TMEM131: variants seen among roughly 807,000 people sequenced by gnomAD.
TMEM131 encodes the protein 2610524E03Rik.
Under a neutral mutation model 211.6 loss-of-function variants are expected in TMEM131, and 66 were observed. The ratio of observed to expected loss-of-function variants is 0.31; its 90% confidence interval spans 0.26 to 0.38. TMEM131 has a LOEUF of 0.38. TMEM131 is among the 10% of genes least tolerant of loss of function. The pLI, the probability that TMEM131 is intolerant of heterozygous loss-of-function variation, is 1.00. For synonymous variants in TMEM131, 844 were observed against 841.3 expected, an observed-to-expected ratio of 1.00 and a Z score of -0.06; for missense variants, 2,036 against 2,299.3, an observed-to-expected ratio of 0.89 and a Z score of 2.34.
chr2:97,969,957 A>G (rs968133664), intron 1 of TMEM131, among the ~76,000 whole-genome samples: 16 of 152,250 alleles, frequency 1.1e-4, no homozygotes, highest in Middle Eastern at 3.4e-3. Flanking sequence ...AAGTTAGTCT[A>G]CCTCTGTGAA....
At chr2:97,906,900 G>T (rs554134021) in intron 3 of TMEM131, among the ~76,000 whole-genome samples, 1 of 152,280 alleles carries the variant, frequency 6.6e-6, no homozygotes, top group African/African-American at 2.4e-5. Flanking sequence ...GATAGAAGTA[G>T]ATAATAGATA....
chr2:97,881,098 T>G (rs1573502347), intron 4 of TMEM131, among the ~76,000 whole-genome samples: 1 of 152,332 alleles, frequency 6.6e-6, no homozygotes, highest in East Asian at 1.9e-4. Flanking sequence ...TTCCACTCTG[T>G]TAGACCAGTT....
chr2:97,819,580 T>C (rs1359988835), intron 11 of TMEM131, among the ~76,000 whole-genome samples: 1 of 152,208 alleles, frequency 6.6e-6, no homozygotes, highest in Non-Finnish European at 1.5e-5. Flanking sequence ...TGACATCCTG[T>C]TGCACAAACA....
chr2:97,963,646 C>T (rs1678916991), intron 1 of TMEM131, among the ~76,000 whole-genome samples: 1 of 152,148 alleles, frequency 6.6e-6, no homozygotes, highest in African/African-American at 2.4e-5. Context: ...ACCAGGGAGA[C>T]GGAGGTTGCA....
rs143999430 is a variant in TMEM131, at chr2:97,995,059, G to C, written c.187+417C>G. On this transcript the variant is annotated intron_variant, in intron 1 of 40. Coordinates refer to ENST00000186436, the MANE Select transcript of TMEM131 (RefSeq NM_015348.2). Reference sequence around the variant, plus strand: ...GAAGAAATGTCTGAACAAATTCAAAGTGAAATTTTTTAAGCTGTGTCTCGC... The same window carrying C: ...GAAGAAATGTCTGAACAAATTCAAACTGAAATTTTTTAAGCTGTGTCTCGC... 3.8e-3 allele frequency among the ~76,000 whole-genome samples: 579 copies of C among 152,344 alleles called. 1 individual carries two copies. Among genetic ancestry groups the C allele is most frequent in the African/African-American group, 0.013 (542 of 41,570 alleles).
At chr2:97,934,533 G>A (rs1034136300) in intron 1 of TMEM131, among the ~76,000 whole-genome samples, 3 of 152,026 alleles carry the variant, frequency 2.0e-5, no homozygotes, top group African/African-American at 7.3e-5. Context: ...AATTAGATAG[G>A]AACAAACCCT....
At chr2:97,762,276 C>A in intron 35 of TMEM131, 76 bp from the exon 36 acceptor site, 2 of 1,443,408 alleles carry the variant, frequency 1.4e-6, no homozygotes, top group South Asian at 2.4e-5. Context: ...TGAATGTTCT[C>A]TAAGACTATG....
chr2:97,966,550 A>G (rs996151932), intron 1 of TMEM131, among the ~76,000 whole-genome samples: 8 of 152,170 alleles, frequency 5.3e-5, no homozygotes. Flanking sequence ...GTGGCCCTCA[A>G]TAAATGTTTG....
rs768265965 is a variant in TMEM131, at chr2:97,814,217, G to C, written c.1446+18C>G. On this transcript the variant is annotated intron_variant, in intron 14 of 40. Transcript: ENST00000186436. ...GGTAGACCAGGAAAATTAAAAGTAT[G>C]AGGGCTCCTGGACATACTTTAAACA... 6.2e-7 allele frequency: 1 copy of C among 1,611,284 alleles called. No individual in the cohort carries two copies. The highest frequency in any genetic ancestry group is 8.5e-7 in the Non-Finnish European group (1 of 1,178,160).
At chr2:97,839,650 GATAC>G (rs1297376589) in intron 7 of TMEM131, among the ~76,000 whole-genome samples, 5 of 152,216 alleles carry the variant, frequency 3.3e-5, no homozygotes, top group African/African-American at 7.2e-5. Flanking sequence ...GGTCTAGAAT[GATAC>G]ATACAAGGTG....
At position 97,795,090 on chromosome 2, in the gene TMEM131, T is replaced by C. The variant is rs753647066; in HGVS notation, c.3226A>G (p.Arg1076Gly). The change falls in exon 29 of 41, where the codon AGA becomes GGA. Residue 1076 changes from arginine to glycine, a missense_variant. Arg to Gly is a moderately radical substitution (Grantham distance 125). This residue lies in a region of TMEM131 where 1,623 missense variants were observed against 1,805.9 expected (regional missense o/e 0.90). Transcript: ENST00000186436. ...ILFTPDFTASRVIRELKFITT... is the reference protein window; with the variant it reads ...ILFTPDFTASGVIRELKFITT... Reference sequence around the variant, plus strand: ...ATAAACTTCAGTTCCCGAATAACTCTAGAAGCTGTAAAATCAGGAGTAAAC... The same window carrying C: ...ATAAACTTCAGTTCCCGAATAACTCCAGAAGCTGTAAAATCAGGAGTAAAC... 6.2e-7 allele frequency: 1 copy of C among 1,612,786 alleles called. No homozygotes were observed. Among genetic ancestry groups the C allele is most frequent in the Non-Finnish European group, 8.5e-7 (1 of 1,179,348 alleles).
In TMEM131 at chr2:97,805,698, T is replaced by C; in HGVS notation, c.2061A>G (p.Lys687=). 2.5e-6 allele frequency: 4 copies of C among 1,588,288 alleles called. No individual in the cohort carries two copies. The highest frequency in any genetic ancestry group is 1.2e-5 in the South Asian group (1 of 86,838). The change falls in exon 20 of 41, where the codon AAA becomes AAG. Residue 687 remains lysine, a synonymous_variant. Coordinates refer to ENST00000186436, the MANE Select transcript of TMEM131 (RefSeq NM_015348.2). Reference sequence around the variant, plus strand: ...TAATATTTAAACTTTGATGAACTATTTTCCCCTGAAGGAAGAAAGCAAAGA... The same window carrying C: ...TAATATTTAAACTTTGATGAACTATCTTCCCCTGAAGGAAGAAAGCAAAGA... ...HVVLPPSFPG[K]IVHQSLNIMN...
At chr2:97,876,280 A>G (rs1674689908) in intron 4 of TMEM131, among the ~76,000 whole-genome samples, 1 of 151,722 alleles carries the variant, frequency 6.6e-6, no homozygotes, top group African/African-American at 2.4e-5. Context: ...CAGAGGTACA[A>G]AGAGGAGCTG....
chr2:97,878,290 G>A (rs539516701), intron 4 of TMEM131, among the ~76,000 whole-genome samples: 1 of 152,272 alleles, frequency 6.6e-6, no homozygotes, highest in South Asian at 2.1e-4. Flanking sequence ...AATACAGTGT[G>A]GTGATTCCTC....
intron 1 of TMEM131, among the ~76,000 whole-genome samples, chr2:97,945,241 T>C (rs1049205119): frequency 1.3e-5 from 2 of 152,156 alleles, no homozygotes; most frequent in African/African-American, 4.8e-5. Context: ...GTATTCCATT[T>C]ATAGGAAACG....
At chr2:97,930,984 T>G (rs1036527589) in intron 1 of TMEM131, among the ~76,000 whole-genome samples, 2 of 151,858 alleles carry the variant, frequency 1.3e-5, no homozygotes, top group African/African-American at 4.9e-5. Context: ...CACAGAGAGA[T>G]ATACTTAGCA....
intron 1 of TMEM131, among the ~76,000 whole-genome samples, chr2:97,974,455 A>T (rs1367740313): frequency 6.6e-6 from 1 of 152,152 alleles, no homozygotes; most frequent in Non-Finnish European, 1.5e-5. Flanking sequence ...GTAAGCAAAA[A>T]TGTCCCAAAC....
chr2:97,866,847 C>T (rs1208861252), intron 4 of TMEM131, among the ~76,000 whole-genome samples: 1 of 152,038 alleles, frequency 6.6e-6, no homozygotes, highest in Non-Finnish European at 1.5e-5. Context: ...GACGAGTATC[C>T]CTCTTACCTG....
intron 1 of TMEM131, among the ~76,000 whole-genome samples, chr2:97,994,036 G>C (rs1488964402): frequency 6.6e-6 from 1 of 152,162 alleles, no homozygotes; most frequent in East Asian, 1.9e-4. Flanking sequence ...GTAAGCAAAG[G>C]AACAGAAAAA....
Sources: gnomAD v4.1 joint callset for allele counts (sites outside exome capture counted in the v4.1 genomes callset) on GRCh38, gnomAD v4.1.1 for gene constraint, gnomAD v4.1.1 regional missense constraint, MANE v1.5 for transcripts, NCBI Gene and HGNC (gene_info 2026-07-23, HGNC 2026-07-21) for gene names.